The following PLCB4 variants were observed in gnomAD, a reference collection of about 807,000 sequenced individuals.
PLCB4 encodes 1-phosphatidylinositol 4,5-bisphosphate phosphodiesterase beta-4.
In PLCB4, 77 loss-of-function variants were observed where a neutral mutation model predicts 178.8. That is an observed-to-expected ratio of 0.43 (90% CI 0.36 to 0.52). PLCB4 has a LOEUF of 0.52. PLCB4 is among the 20% of genes least tolerant of loss of function. PLCB4 has a pLI of 0.00. For synonymous variants in PLCB4, 496 were observed against 490.8 expected (o/e 1.01, Z -0.14); for missense variants, 1,024 against 1,453.4 (o/e 0.70, Z 4.80).
At chr20:9,101,030 G>A (rs537842066) in intron 2 of PLCB4, among the ~76,000 whole-genome samples, 1 of 152,214 alleles carries the variant, frequency 6.6e-6, no homozygotes, top group East Asian at 1.9e-4. Flanking sequence ...CATATTTCAT[G>A]ATAATTGGTC....
intron 3 of PLCB4, among the ~76,000 whole-genome samples, chr20:9,297,642 G>A (rs1443743845): frequency 6.6e-6 from 1 of 151,414 alleles, no homozygotes; most frequent in Non-Finnish European, 1.5e-5. Flanking sequence ...GTGTAGATAG[G>A]CCCCACTTCT....
intron 7 of PLCB4, among the ~76,000 whole-genome samples, chr20:9,339,899 G>A (rs963519463): frequency 6.6e-6 from 1 of 152,144 alleles, no homozygotes; most frequent in African/African-American, 2.4e-5. Context: ...AGAAAGCCTC[G>A]TAAATATTTT....
chr20:9,314,787 A>G (rs747116177), intron 4 of PLCB4, among the ~76,000 whole-genome samples: 1 of 152,028 alleles, frequency 6.6e-6, no homozygotes, highest in Non-Finnish European at 1.5e-5. Context: ...GGATGAAGGA[A>G]TGAGGACCCC....
intron 2 of PLCB4, among the ~76,000 whole-genome samples, chr20:9,154,912 CTT>C (rs1275545466): frequency 6.2e-4 from 65 of 105,300 alleles, no homozygotes; most frequent in Non-Finnish European, 9.4e-4. Flanking sequence ...TCCCTCCTTC[CTT>C]CCTTCCTTCC....
intron 2 of PLCB4, among the ~76,000 whole-genome samples, chr20:9,165,597 A>G (rs2092956011): frequency 6.6e-6 from 1 of 152,366 alleles, no homozygotes; most frequent in Non-Finnish European, 1.5e-5. Flanking sequence ...TAACAGATTT[A>G]TAATGAAAAT....
At chr20:9,477,225 C>T (rs1156248393) in intron 39 of PLCB4, among the ~76,000 whole-genome samples, 2 of 152,110 alleles carry the variant, frequency 1.3e-5, no homozygotes, top group Non-Finnish European at 2.9e-5. Context: ...CTGCTAAGTC[C>T]CATCTGCCAA....
At chr20:9,069,936 CT>C (rs898574769) in intron 1 of PLCB4, among the ~76,000 whole-genome samples, 1 of 152,166 alleles carries the variant, frequency 6.6e-6, no homozygotes, top group African/African-American at 2.4e-5. Flanking sequence ...ACTCTTCCAA[CT>C]TTTTTTCCTC....
intron 2 of PLCB4, among the ~76,000 whole-genome samples, chr20:9,191,345 ATTTTTTTTTT>A (rs71184136): frequency 2.7e-4 from 16 of 58,858 alleles, no homozygotes; most frequent in South Asian, 7.7e-4. Flanking sequence ...CTAGATAGGC[ATTTTTTTTTT>A]TTTTTTTTTT....
At chr20:9,380,027 CT>C (rs1392576936) in intron 12 of PLCB4, 26 bp from the exon 13 acceptor site, 1 of 1,230,314 alleles carries the variant, frequency 8.1e-7, no homozygotes, top group Non-Finnish European at 1.2e-6. Flanking sequence ...AAATATCAAC[CT>C]AAATGGAGTT....
intron 3 of PLCB4, among the ~76,000 whole-genome samples, chr20:9,283,135 G>T (rs1369902389): frequency 6.6e-6 from 1 of 151,984 alleles, no homozygotes; most frequent in African/African-American, 2.4e-5. Flanking sequence ...TGGAGAAGGA[G>T]TGGTAAATAT....
In PLCB4 at chr20:9,189,513, A is replaced by G. The variant is rs183730828; in HGVS notation, c.-78-27877A>G. Among the ~76,000 whole-genome samples, 78 of 152,046 alleles carry G rather than the reference A, an allele frequency of 5.1e-4. 1 individual carries two copies. The East Asian group carries it at 0.015, about 29-fold the overall frequency. On this transcript the variant is annotated intron_variant, in intron 2 of 39. Transcript: ENST00000378473. ...GACATTCTGGGTTGGTTAACTGTTC[A>G]TTGTGGAGGGCTGTCATATGCACTG... is the stretch of plus-strand genomic sequence containing the variant.
At chr20:9,414,233 T>C (rs1361374712) in intron 25 of PLCB4, among the ~76,000 whole-genome samples, 1 of 152,218 alleles carries the variant, frequency 6.6e-6, no homozygotes, top group Non-Finnish European at 1.5e-5. Context: ...TGATAAAGTA[T>C]CAGCGATGCT....
At chr20:9,261,068 A>G (rs2147546017) in intron 3 of PLCB4, among the ~76,000 whole-genome samples, 1 of 152,264 alleles carries the variant, frequency 6.6e-6, no homozygotes, top group Middle Eastern at 3.4e-3. Context: ...TCAGTCTAAG[A>G]CACTTTTAAA....
chr20:9,299,675 T>C (rs1253135188), intron 3 of PLCB4, among the ~76,000 whole-genome samples: 4 of 152,070 alleles, frequency 2.6e-5, no homozygotes, highest in Non-Finnish European at 5.9e-5. Context: ...GGTACAGTAT[T>C]TAAGTACTAG....
chr20:9,271,161 T>C (rs1461867052), intron 3 of PLCB4, among the ~76,000 whole-genome samples: 1 of 152,170 alleles, frequency 6.6e-6, no homozygotes, highest in Non-Finnish European at 1.5e-5. Flanking sequence ...CCTGCCTGTT[T>C]TCTGAAGTGT....
intron 7 of PLCB4, among the ~76,000 whole-genome samples, chr20:9,362,536 T>C (rs1233241282): frequency 3.3e-5 from 5 of 152,222 alleles, no homozygotes; most frequent in Admixed American, 1.3e-4. Flanking sequence ...AAATATGTCA[T>C]GTATTTTATA....
At chr20:9,425,213 C>G (rs1202973311) in intron 28 of PLCB4, among the ~76,000 whole-genome samples, 1 of 152,176 alleles carries the variant, frequency 6.6e-6, no homozygotes, top group African/African-American at 2.4e-5. Context: ...TGGCAAACCT[C>G]AGAAACCTCC....
At chr20:9,258,122 A>G (rs2094256169) in intron 3 of PLCB4, among the ~76,000 whole-genome samples, 1 of 152,168 alleles carries the variant, frequency 6.6e-6, no homozygotes, top group Non-Finnish European at 1.5e-5. Flanking sequence ...AAAGATGCGC[A>G]CACACACAGA....
At chr20:9,333,501 A>G (rs1313114350) in intron 4 of PLCB4, among the ~76,000 whole-genome samples, 1 of 152,204 alleles carries the variant, frequency 6.6e-6, no homozygotes, top group African/African-American at 2.4e-5. Context: ...CAAGAAATAG[A>G]AGGAAGAACA....
Sources: gnomAD v4.1 joint callset for allele counts (sites outside exome capture counted in the v4.1 genomes callset) on GRCh38, gnomAD v4.1.1 for gene constraint, MANE v1.5 for transcripts, NCBI Gene and HGNC (gene_info 2026-07-23, HGNC 2026-07-21) for gene names.